The following PIP4P2 variants were observed in gnomAD, a reference collection of about 807,000 sequenced individuals.
The protein encoded by PIP4P2 is type 2 phosphatidylinositol 4,5-bisphosphate 4-phosphatase.
Under a neutral mutation model 33.3 loss-of-function variants are expected in PIP4P2, and 19 were observed. The ratio of observed to expected loss-of-function variants is 0.57; its 90% confidence interval spans 0.40 to 0.84. The LOEUF (loss-of-function observed/expected upper bound fraction) is 0.84. Among genes scored for constraint, PIP4P2 ranks in the 40% least tolerant of loss-of-function variants. The pLI is 0.00. For missense variants in PIP4P2, 270 were observed against 324.7 expected (o/e 0.83, Z 1.29); for synonymous variants, 110 against 111.9 (o/e 0.98, Z 0.11).
intron 2 of PIP4P2, among the ~76,000 whole-genome samples, chr8:91,020,550 A>G (rs1811993741): frequency 6.6e-6 from 1 of 152,220 alleles, no homozygotes; most frequent in Admixed American, 6.5e-5. Flanking sequence ...AGATTTTGAG[A>G]GATCAAAATG....
At chr8:91,004,430 T>G (rs1208663652) in intron 5 of PIP4P2, among the ~76,000 whole-genome samples, 1 of 151,926 alleles carries the variant, frequency 6.6e-6, no homozygotes, top group African/African-American at 2.4e-5. Context: ...CTCACACATA[T>G]CCAGAAGTAA....
At position 90,995,645 on chromosome 8, in the gene PIP4P2, CT is replaced by C. The variant is rs1006973792; in HGVS notation, c.*31del. 1 of 1,596,422 alleles carries C rather than the reference CT, an allele frequency of 6.3e-7. No homozygotes were observed. The highest frequency in any genetic ancestry group is 1.4e-5 in the African/African-American group (1 of 73,778). ...GTAGCTTACCAAGAACTGCTAGACA[CT>C]CTCACCTGCATTACTGAATCATAAA... is the stretch of plus-strand genomic sequence containing the variant. On this transcript the variant is annotated 3_prime_UTR_variant, in exon 7 of 7. Coordinates refer to ENST00000285419, the MANE Select transcript of PIP4P2 (RefSeq NM_018710.3).
intron 1 of PIP4P2, among the ~76,000 whole-genome samples, chr8:91,027,338 T>G (rs545680077): frequency 6.6e-6 from 1 of 152,320 alleles, no homozygotes; most frequent in South Asian, 2.1e-4. Context: ...GGAAAATATC[T>G]TTCCTTCTTG....
At chr8:91,001,429 C>T (rs1811698185) in intron 5 of PIP4P2, among the ~76,000 whole-genome samples, 1 of 152,014 alleles carries the variant, frequency 6.6e-6, no homozygotes, top group African/African-American at 2.4e-5. Context: ...TTAATCTGTT[C>T]CCTATTTCTA....
Position 91,027,084 on chromosome 8 carries a change from A to G in PIP4P2, c.107-5680T>C, listed in dbSNP as rs144449820. Reference sequence around the variant, plus strand: ...TTAAAAGTATCACTTATTTCTAATAAACAAAGAATTTATTGCTGGAAATCA... The same window carrying G: ...TTAAAAGTATCACTTATTTCTAATAGACAAAGAATTTATTGCTGGAAATCA... On this transcript the variant is annotated intron_variant, in intron 1 of 6. Transcript: ENST00000285419. Among the ~76,000 whole-genome samples the G allele has an allele frequency of 6.5e-3, 997 of 152,336 alleles. 15 individuals carry two copies. The highest frequency in any genetic ancestry group is 7.7e-3 in the Non-Finnish European group (524 of 68,028).
chr8:91,024,235 T>A (rs937334218), intron 1 of PIP4P2: 9 of 392,060 alleles, frequency 2.3e-5, no homozygotes, highest in Non-Finnish European at 4.6e-5. Context: ...CTTAAACTGA[T>A]TTAGACAGAT....
At chr8:91,038,493 C>G (rs1812262312) in intron 1 of PIP4P2, among the ~76,000 whole-genome samples, 1 of 152,058 alleles carries the variant, frequency 6.6e-6, no homozygotes, top group Non-Finnish European at 1.5e-5. Flanking sequence ...TTTTTACAAT[C>G]TGAAATAATT....
intron 1 of PIP4P2, chr8:91,024,402 A>G: frequency 2.6e-6 from 1 of 384,658 alleles, no homozygotes; most frequent in Middle Eastern, 7.1e-4. Context: ...AATTTAAATG[A>G]TTAATAATTG....
At chr8:91,005,994 T>C (rs1055138255) in intron 5 of PIP4P2, among the ~76,000 whole-genome samples, 2 of 152,228 alleles carry the variant, frequency 1.3e-5, no homozygotes, top group Non-Finnish European at 2.9e-5. Context: ...CCTCAGTCTT[T>C]GGAGCTCTAG....
At chr8:90,995,868 A>C (rs776265323) in intron 6 of PIP4P2, 48 bp from the exon 7 acceptor site, 5 of 1,540,696 alleles carry the variant, frequency 3.2e-6, no homozygotes, top group Non-Finnish European at 4.3e-6. Flanking sequence ...ACTTTAAAAA[A>C]TATCTGCTTA....
intron 1 of PIP4P2, among the ~76,000 whole-genome samples, chr8:91,038,149 C>T (rs942273370): frequency 6.6e-6 from 1 of 152,174 alleles, no homozygotes; most frequent in Non-Finnish European, 1.5e-5. Context: ...ACACACAATA[C>T]TAACTGCTCC....
intron 5 of PIP4P2, among the ~76,000 whole-genome samples, chr8:91,002,453 A>G (rs1234779927): frequency 6.6e-6 from 1 of 152,198 alleles, no homozygotes; most frequent in Non-Finnish European, 1.5e-5. Flanking sequence ...ATTATGAAGA[A>G]CACCTGGAAA....
chr8:91,033,210 A>G (rs1586187258), intron 1 of PIP4P2, among the ~76,000 whole-genome samples: 3 of 152,214 alleles, frequency 2.0e-5, no homozygotes, highest in East Asian at 1.9e-4. Flanking sequence ...AAACTGCCTA[A>G]TTCACATTTC....
chr8:91,000,721 C>T (rs996708899), intron 5 of PIP4P2, among the ~76,000 whole-genome samples: 2 of 151,846 alleles, frequency 1.3e-5, no homozygotes, highest in Non-Finnish European at 2.9e-5. Context: ...TTCACTGTAA[C>T]ACATTTACTT....
At chr8:91,026,830 T>G (rs1294920814) in intron 1 of PIP4P2, among the ~76,000 whole-genome samples, 1 of 152,180 alleles carries the variant, frequency 6.6e-6, no homozygotes, top group African/African-American at 2.4e-5. Flanking sequence ...GGTAGTAATC[T>G]GTGACACATG....
chr8:91,003,260 T>G (rs1380677195), intron 5 of PIP4P2, among the ~76,000 whole-genome samples: 1 of 152,144 alleles, frequency 6.6e-6, no homozygotes, highest in Non-Finnish European at 1.5e-5. Context: ...GAATAGATAA[T>G]TGCAGTATTG....
At chr8:91,013,369 T>G (rs1201728146) in intron 4 of PIP4P2, among the ~76,000 whole-genome samples, 1 of 152,188 alleles carries the variant, frequency 6.6e-6, no homozygotes, top group Non-Finnish European at 1.5e-5. Flanking sequence ...AGAAGTAGGT[T>G]GAAACAAATC....
In PIP4P2 at chr8:90,993,869, G is replaced by A. The variant is rs1055038887; in HGVS notation, c.*1808C>T. On this transcript the variant is annotated 3_prime_UTR_variant, in exon 7 of 7. Transcript: ENST00000285419. ...ATTCATTCACGTAAATTGAGCACAT[G>A]TACACTAAGAACTGTTCTAAGTGGG... is the stretch of plus-strand genomic sequence containing the variant. The A allele has an allele frequency of 2.0e-5, 3 of 152,160 alleles. No individual in the cohort carries two copies. Among genetic ancestry groups the A allele is most frequent in the African/African-American group, 4.8e-5 (2 of 41,436 alleles). 9.4% of individuals were successfully genotyped at this position (152,160 alleles called of 1,614,324 possible). A position where few individuals can be genotyped will look rare whatever the true frequency, so the allele number is the denominator to read the frequency against.
In PIP4P2 at chr8:91,022,556, C is replaced by T. The variant is rs368978106; in HGVS notation, c.107-1152G>A. On this transcript the variant is annotated intron_variant, in intron 1 of 6. Coordinates refer to ENST00000285419, the MANE Select transcript of PIP4P2 (RefSeq NM_018710.3). ...CACACTCTAACATATGATTGAAGCA[C>T]GAAAGAGAACTGGTATCTCAAGAGG... is the stretch of plus-strand genomic sequence containing the variant. Among the ~76,000 whole-genome samples the T allele has an allele frequency of 2.6e-5, 4 of 151,974 alleles. No individual in the cohort carries two copies. In the South Asian group the frequency reaches 6.2e-4, roughly 24 times the overall value.
Sources: allele counts gnomAD v4.1 joint callset (sites outside exome capture counted in the v4.1 genomes callset), GRCh38; gene constraint gnomAD v4.1.1; transcripts MANE v1.5; gene names NCBI Gene and HGNC (gene_info 2026-07-23, HGNC 2026-07-21).